GLT1D1: variants seen among roughly 807,000 people sequenced by gnomAD.
GLT1D1 encodes glycosyltransferase 1 domain-containing protein 1.
Under a neutral mutation model 28.7 loss-of-function variants are expected in GLT1D1, and 21 were observed. The ratio of observed to expected loss-of-function variants is 0.73; its 90% CI spans 0.52 to 1.05. GLT1D1 has a LOEUF of 1.05. Among genes scored for constraint, GLT1D1 ranks in the 50% least tolerant of loss-of-function variants. The pLI is 0.00. For synonymous variants in GLT1D1, 147 were observed against 124.8 expected, an observed-to-expected ratio of 1.18 and a Z score of -1.19; for missense variants, 343 against 330.6, an observed-to-expected ratio of 1.04 and a Z score of -0.29.
chr12:128,903,427 C>T (rs771388200), intron 4 of GLT1D1, among the ~76,000 whole-genome samples: 2 of 151,732 alleles, frequency 1.3e-5, no homozygotes, highest in African/African-American at 2.4e-5. Context: ...GGTGGAGATA[C>T]GGTCCCCACC....
In GLT1D1 at chr12:128,973,919, G is replaced by GTGT. The variant is rs71449381; in HGVS notation, c.640-9010_640-9009insTGT. 2.2e-3 allele frequency among the ~76,000 whole-genome samples: 225 copies of GTGT among 101,002 alleles called. 2 individuals are homozygous for GTGT. The highest frequency in any genetic ancestry group is 5.4e-3 in the Middle Eastern group (1 of 186). 66.3% of individuals were successfully genotyped at this position (101,002 alleles called of 152,430 possible). A position where few individuals can be genotyped will look rare whatever the true frequency, so the allele number is the denominator to read the frequency against. On this transcript the variant is annotated intron_variant, in intron 7 of 7. Transcript: ENST00000281703. ...GTGTGTGTAGGGGGTGTGTGTAGGG[G>GTGT]GTGTGTGTGTGTGTGTAGGGTGTGT...
Position 128,916,519 on chromosome 12 carries a change from G to A in GLT1D1, c.375+17232G>A, listed in dbSNP as rs74584729. ...CTCCACATTCTTGCCCACCGGTGGA[G>A]TAGACAGTCTTTTCAATTTTAGTTG... is the stretch of plus-strand genomic sequence containing the variant. On this transcript the variant is annotated intron_variant, in intron 4 of 7. Coordinates refer to ENST00000281703, the MANE Select transcript of GLT1D1 (RefSeq NM_144669.3). Among the ~76,000 whole-genome samples, 1,025 of 152,338 alleles carry A rather than the reference G, an allele frequency of 6.7e-3. 11 individuals are homozygous for A. The highest frequency in any genetic ancestry group is 0.023 in the African/African-American group (960 of 41,556).
intron 6 of GLT1D1, among the ~76,000 whole-genome samples, chr12:128,953,955 A>G (rs954443709): frequency 6.6e-6 from 1 of 151,956 alleles, no homozygotes; most frequent in African/African-American, 2.4e-5. Context: ...CACGTTGGCC[A>G]GGCTGGTCTT....
At chr12:128,958,748 C>CAAAA (rs71072431) in intron 7 of GLT1D1, among the ~76,000 whole-genome samples, 12 of 42,650 alleles carry the variant, frequency 2.8e-4, no homozygotes, top group African/African-American at 9.9e-4. Flanking sequence ...GACTCTGCCT[C>CAAAA]AAAAAAAAAA....
At chr12:128,888,279 G>C (rs1165382820) in intron 2 of GLT1D1, among the ~76,000 whole-genome samples, 1 of 152,166 alleles carries the variant, frequency 6.6e-6, no homozygotes, top group Non-Finnish European at 1.5e-5. Flanking sequence ...AGTTTGGAGA[G>C]CCCTTTTTTT....
chr12:128,856,480 G>T (rs1417067905), intron 1 of GLT1D1, among the ~76,000 whole-genome samples: 1 of 152,190 alleles, frequency 6.6e-6, no homozygotes, highest in Non-Finnish European at 1.5e-5. Flanking sequence ...TGATGGCTGA[G>T]ATGCTTTAGA....
chr12:128,959,980 T>C (rs1877765953), intron 7 of GLT1D1, among the ~76,000 whole-genome samples: 1 of 152,182 alleles, frequency 6.6e-6, no homozygotes, highest in Non-Finnish European at 1.5e-5. Flanking sequence ...GAATGAGAGC[T>C]GTTTGGCTCT....
At chr12:128,923,057 G>A (rs1226150345) in intron 4 of GLT1D1, among the ~76,000 whole-genome samples, 1 of 151,998 alleles carries the variant, frequency 6.6e-6, no homozygotes, top group African/African-American at 2.4e-5. Context: ...TTCTAAGAGC[G>A]ACATCTCGAT....
chr12:128,895,770 A>G (rs1282793382), intron 3 of GLT1D1, among the ~76,000 whole-genome samples: 3 of 152,074 alleles, frequency 2.0e-5, no homozygotes, highest in Admixed American at 6.6e-5. Flanking sequence ...TACAGATGCT[A>G]TTGAAACCTG....
intron 7 of GLT1D1, among the ~76,000 whole-genome samples, 181 bp from the exon 12 acceptor site, chr12:128,982,748 T>C (rs1274856881): frequency 6.6e-6 from 1 of 152,076 alleles, no homozygotes; most frequent in East Asian, 1.9e-4. Flanking sequence ...GCATATATAT[T>C]ATTTCCTACT....
chr12:128,966,218 G>C (rs538306824), intron 7 of GLT1D1, among the ~76,000 whole-genome samples: 2 of 152,238 alleles, frequency 1.3e-5, no homozygotes, highest in African/African-American at 4.8e-5. Flanking sequence ...ATGCTCCTGG[G>C]AGCCAGGGCT....
In GLT1D1 at chr12:128,879,404, TTC is replaced by T. The variant is rs1425534396; in HGVS notation, c.217+3344_217+3345del. On this transcript the variant is annotated intron_variant, in intron 2 of 7. Coordinates refer to ENST00000281703, the MANE Select transcript of GLT1D1 (RefSeq NM_144669.3). ...TTTCTTTCTTTCTTTCTTTCTTTCT[TTC>T]TTTCTTTCTTTCTTTCTTTCTTTCT... Among the ~76,000 whole-genome samples, 26 of 93,274 alleles carry T rather than the reference TTC, an allele frequency of 2.8e-4. 1 individual carries two copies. The highest frequency in any genetic ancestry group is 5.0e-4 in the Non-Finnish European group (24 of 47,692). 61.2% of individuals were successfully genotyped at this position (93,274 alleles called of 152,430 possible).
chr12:128,895,299 T>C (rs1465870837), intron 3 of GLT1D1, among the ~76,000 whole-genome samples: 1 of 152,154 alleles, frequency 6.6e-6, no homozygotes, highest in African/African-American at 2.4e-5. Flanking sequence ...TACAACTATA[T>C]GTATTTTTAT....
At chr12:128,975,846 A>G (rs984188027) in intron 7 of GLT1D1, among the ~76,000 whole-genome samples, 1 of 152,200 alleles carries the variant, frequency 6.6e-6, no homozygotes, top group Admixed American at 6.5e-5. Flanking sequence ...CTATAAATCA[A>G]TGACTACTCT....
At chr12:128,875,727 G>A (rs1456130785) in intron 1 of GLT1D1, among the ~76,000 whole-genome samples, 187 bp from the exon 2 acceptor site, 1 of 152,054 alleles carries the variant, frequency 6.6e-6, no homozygotes, top group Non-Finnish European at 1.5e-5. Flanking sequence ...GGAGACCCAG[G>A]AGGCGGAGGT....
chr12:128,950,816 G>A (rs187360436), intron 6 of GLT1D1, among the ~76,000 whole-genome samples: 1 of 152,254 alleles, frequency 6.6e-6, no homozygotes, highest in Non-Finnish European at 1.5e-5. Flanking sequence ...GCTCATCTGG[G>A]GTAAATAAGA....
intron 4 of GLT1D1, among the ~76,000 whole-genome samples, chr12:128,922,375 G>A (rs1872742472): frequency 6.6e-6 from 1 of 152,092 alleles, no homozygotes; most frequent in Non-Finnish European, 1.5e-5. Context: ...GCATTCATTA[G>A]TGGCTTTTGC....
intron 1 of GLT1D1, among the ~76,000 whole-genome samples, chr12:128,873,098 G>A (rs1013965199): frequency 6.6e-6 from 1 of 152,096 alleles, no homozygotes; most frequent in Non-Finnish European, 1.5e-5. Context: ...GTTTCATCAT[G>A]TTGTCTAGGC....
chr12:128,873,848 T>TTCCCTCCC (rs202047117), intron 1 of GLT1D1, among the ~76,000 whole-genome samples: 5 of 137,340 alleles, frequency 3.6e-5, no homozygotes, highest in African/African-American at 1.4e-4. Flanking sequence ...CCTTCCCTCC[T>TTCCCTCCC]TCCCTCCCTC....
Sources: gnomAD v4.1 joint callset for allele counts (sites outside exome capture counted in the v4.1 genomes callset) on GRCh38, gnomAD v4.1.1 for gene constraint, MANE v1.5 for transcripts, NCBI Gene and HGNC (gene_info 2026-07-23, HGNC 2026-07-21) for gene names.